CACNA2D4: variants seen among roughly 807,000 people sequenced by gnomAD.
CACNA2D4 encodes calcium voltage-gated channel auxiliary subunit alpha2delta 4, also known as voltage-dependent calcium channel subunit alpha-2/delta-4.
A neutral mutation model predicts 163.8 loss-of-function variants in CACNA2D4; 157 were observed. The observed-to-expected ratio is 0.96, with a 90% CI of 0.84 to 1.09. The LOEUF (loss-of-function observed/expected upper bound fraction) is 1.09. Ranked by LOEUF, CACNA2D4 falls within the 50% of genes least tolerant of loss-of-function variation. The pLI, the probability that CACNA2D4 is intolerant of heterozygous loss-of-function variation, is 0.00. For missense variants in CACNA2D4, 1,410 were observed against 1,479.9 expected, an observed-to-expected ratio of 0.95 and a Z score of 0.78; for synonymous variants, 598 against 586.9, an observed-to-expected ratio of 1.02 and a Z score of -0.27.
At chr12:1,882,633 C>G (rs935344330) in intron 13 of CACNA2D4, among the ~76,000 whole-genome samples, 1 of 152,124 alleles carries the variant, frequency 6.6e-6, no homozygotes, top group Non-Finnish European at 1.5e-5. Context: ...GCACCTCAGG[C>G]AGGTCTGCTG....
At chr12:1,881,489 C>T (rs540068879) in intron 13 of CACNA2D4, among the ~76,000 whole-genome samples, 6 of 152,386 alleles carry the variant, frequency 3.9e-5, no homozygotes, top group Admixed American at 3.3e-4. Context: ...CACAACACTC[C>T]CAGGTGAGGG....
In CACNA2D4 at chr12:1,918,336, A is replaced by C; in HGVS notation, c.138T>G (p.Phe46Leu). The part of the protein sequence containing the change: ...PLQPMPVAWA[F>L]VQKTSALLWL... The stretch of plus-strand genomic sequence containing the variant: ...ACAGGAGGGCCGAGGTCTTCTGCAC[A>C]AAGGCCCAGGCCACGGGCATTGGCT... Residue 46 changes from phenylalanine (F) to leucine (L), a missense_variant, in exon 1 of 38, where the codon TTT becomes TTG. Phe to Leu is a conservative substitution (Grantham distance 22). Transcript: ENST00000382722. 3 of 1,609,600 alleles carry C rather than the reference A, an allele frequency of 1.9e-6. No homozygotes were observed. The Admixed American group carries it at 5.1e-5, about 27-fold the overall frequency.
chr12:1,918,217 T>G, intron 1 of CACNA2D4, 30 bp downstream of exon 1: 3 of 1,516,786 alleles, frequency 2.0e-6, no homozygotes, highest in Non-Finnish European at 2.7e-6. Context: ...GTGACCGGGT[T>G]TTTGGGGTGG....
chr12:1,795,111 A>C (rs1223548360), intron 37 of CACNA2D4, 188 bp downstream of exon 37: 1 of 602,578 alleles, frequency 1.7e-6, no homozygotes, highest in African/African-American at 1.9e-5. Context: ...ACAAAGACTA[A>C]ATAAAGATCT....
In CACNA2D4 at chr12:1,797,305, T is replaced by C. The variant is rs1240940993; in HGVS notation, c.3113+113A>G. 1.9e-5 allele frequency: 15 copies of C among 784,744 alleles called. No homozygotes were observed. In the Admixed American group the frequency reaches 3.1e-4, roughly 16 times the overall value. The allele number at this position is 784,744 out of a possible 1,614,324, so 48.6% of individuals were successfully genotyped here. On this transcript the variant is annotated intron_variant, in intron 35 of 37. Transcript: ENST00000382722. ...GGGCTCTGCACTTAGACGCATCCCC[T>C]CCTCCCGGCTGTGGAGCCGTTTCCC... is the stretch of plus-strand genomic sequence containing the variant.
At position 1,843,137 on chromosome 12, in the gene CACNA2D4, T is replaced by C. The variant is rs1268056379; in HGVS notation, c.2470+1265A>G. On this transcript the variant is annotated intron_variant, in intron 25 of 37. Transcript: ENST00000382722. The surrounding 1 kb of genome is among the most constrained non-coding windows in gnomAD (Gnocchi z 4.6). ...TGGAAAATTGTTTTGTGAAGCATAG[T>C]AGTTATTTGCACGTGTGTGGAGGGA... Among the ~76,000 whole-genome samples the C allele has an allele frequency of 1.3e-5, 2 of 152,058 alleles. No homozygotes were observed. The highest frequency in any genetic ancestry group is 3.9e-4 in the East Asian group (2 of 5,178).
At position 1,882,792 on chromosome 12, in the gene CACNA2D4, G is replaced by C. The variant is rs79741927; in HGVS notation, c.1485+75C>G. On this transcript the variant is annotated intron_variant, in intron 13 of 37. Coordinates refer to ENST00000382722, the MANE Select transcript of CACNA2D4 (RefSeq NM_172364.5). ...TAGGCCCACCCCTTTCCTGACCCAG[G>C]AAGTAACTTCTTACTCCCTGGGGTC... 54 of 1,534,616 alleles carry C rather than the reference G, an allele frequency of 3.5e-5. No homozygotes were observed. In the East Asian group the frequency reaches 1.1e-3, roughly 32 times the overall value.
At position 1,910,202 on chromosome 12, in the gene CACNA2D4, T is replaced by G. The variant is rs115868383; in HGVS notation, c.427-237A>C. On this transcript the variant is annotated intron_variant, in intron 3 of 37. Transcript: ENST00000382722. ...GAAAGCAGCCCATCGGCAGAGGCCA[T>G]GCACCTGTGATCCCAACAACATGGC... is the stretch of plus-strand genomic sequence containing the variant. 7.0e-3 allele frequency among the ~76,000 whole-genome samples: 1,070 copies of G among 152,374 alleles called. 10 individuals carry two copies. The highest frequency in any genetic ancestry group is 0.024 in the African/African-American group (1,007 of 41,582).
chr12:1,861,836 C>A (rs1433719236), intron 18 of CACNA2D4, among the ~76,000 whole-genome samples: 2 of 152,242 alleles, frequency 1.3e-5, no homozygotes, highest in Non-Finnish European at 2.9e-5. Context: ...CCTGTGATTA[C>A]CAACCTGTCA....
intron 25 of CACNA2D4, among the ~76,000 whole-genome samples, chr12:1,841,541 C>A (rs1043536959): frequency 6.6e-6 from 1 of 152,244 alleles, no homozygotes; most frequent in African/African-American, 2.4e-5. Flanking sequence ...CTGGTTCTGA[C>A]TGGGGCTGGC....
chr12:1,895,818 TG>T (rs1310068218), intron 6 of CACNA2D4, among the ~76,000 whole-genome samples: 1 of 151,912 alleles, frequency 6.6e-6, no homozygotes, highest in Non-Finnish European at 1.5e-5. Context: ...TAAAATTTTT[TG>T]TAGAGATAGG....
intron 26 of CACNA2D4, among the ~76,000 whole-genome samples, chr12:1,838,446 C>T (rs554869728): frequency 6.6e-6 from 1 of 152,332 alleles, no homozygotes; most frequent in African/African-American, 2.4e-5. Context: ...CCTTCAGCTA[C>T]AGGCTCCAGC....
In CACNA2D4 at chr12:1,837,342, G is replaced by A. The variant is rs1010095131; in HGVS notation, c.2551+3397C>T. Reference sequence around the variant, plus strand: ...GAGCCTGTTCAGGGCTTACTCAGGCGACGGCAAACCATGCTCTGGGCCTGC... The same window carrying A: ...GAGCCTGTTCAGGGCTTACTCAGGCAACGGCAAACCATGCTCTGGGCCTGC... On this transcript the variant is annotated intron_variant, in intron 26 of 37. Transcript: ENST00000382722. Among the ~76,000 whole-genome samples the A allele has an allele frequency of 3.9e-5, 6 of 152,182 alleles. No homozygotes were observed. The East Asian group carries it at 7.7e-4, about 20-fold the overall frequency.
At chr12:1,848,512 A>G (rs917368) in intron 23 of CACNA2D4, among the ~76,000 whole-genome samples, 23,100 of 152,108 alleles carry the variant, frequency 0.15, 2,257 homozygotes, top group East Asian at 0.41. Flanking sequence ...GCATTCTTTT[A>G]TTTCTTATTT....
At chr12:1,842,682 C>T (rs1025024564) in intron 25 of CACNA2D4, among the ~76,000 whole-genome samples, 4 of 135,742 alleles carry the variant, frequency 2.9e-5, no homozygotes, top group Admixed American at 1.7e-4. Flanking sequence ...CTGGTGAATG[C>T]GGGCAGGAGG....
rs1249333546 is a variant in CACNA2D4, at chr12:1,801,050, A to G, written c.2861T>C (p.Leu954Pro). The change falls in exon 31 of 38, where the codon CTG becomes CCG. Residue 954 changes from leucine to proline, a missense_variant. By Grantham distance (98) the Leu-to-Pro change is moderately conservative (BLOSUM62 -3). Transcript: ENST00000382722. Reference sequence around the variant, plus strand: ...GGGCTGGGTGACACTCACGCTGACCAGGGGCTGGGCTGCACTGTGGTGGTG... The same window carrying G: ...GGGCTGGGTGACACTCACGCTGACCGGGGGCTGGGCTGCACTGTGGTGGTG... ...SSHHHSAAQP[L>P]VSPISAFLTA... The G allele has an allele frequency of 1.9e-6, 3 of 1,613,068 alleles. No homozygotes were observed.
At chr12:1,823,681 C>A (rs763965632) in intron 26 of CACNA2D4, among the ~76,000 whole-genome samples, 2 of 152,116 alleles carry the variant, frequency 1.3e-5, no homozygotes, top group Non-Finnish European at 2.9e-5. Flanking sequence ...TCTTGGCCTC[C>A]CAGGACTTCA....
At position 1,882,970 on chromosome 12, in the gene CACNA2D4, T is replaced by G. The variant is rs764011900; in HGVS notation, c.1382A>C (p.Asp461Ala). The change falls in exon 13 of 38, where the codon GAC becomes GCC. Residue 461 changes from aspartate (D) to alanine (A), a missense_variant. Transcript: ENST00000382722. Reference protein sequence around the residue: ...GYYTQISTLADTQENVMEYLH... With the variant: ...GYYTQISTLAATQENVMEYLH... Reference sequence around the variant, plus strand: ...GTATTCCATCACGTTCTCCTGGGTGTCCGCCAGCGTTGAGATCTGCGTGTA... The same window carrying G: ...GTATTCCATCACGTTCTCCTGGGTGGCCGCCAGCGTTGAGATCTGCGTGTA... 1 of 1,613,164 alleles carries G rather than the reference T, an allele frequency of 6.2e-7. No individual in the cohort carries two copies. The highest frequency in any genetic ancestry group is 8.5e-7 in the Non-Finnish European group (1 of 1,179,630).
chr12:1,882,975 C>T lies in CACNA2D4; in HGVS notation c.1377G>A (p.Leu459=). Residue 459 remains leucine, a synonymous_variant, in exon 13 of 38, where the codon CTG becomes CTA. Coordinates refer to ENST00000382722, the MANE Select transcript of CACNA2D4 (RefSeq NM_172364.5). Reference sequence around the variant, plus strand: ...CCATCACGTTCTCCTGGGTGTCCGCCAGCGTTGAGATCTGCGTGTAGTAGC... The same window carrying T: ...CCATCACGTTCTCCTGGGTGTCCGCTAGCGTTGAGATCTGCGTGTAGTAGC... ...NKGYYTQIST[L]ADTQENVMEY... is the part of the protein sequence containing the mutation. 3 of 1,613,150 alleles carry T rather than the reference C, an allele frequency of 1.9e-6. No homozygotes were observed. Among genetic ancestry groups the T allele is most frequent in the Non-Finnish European group, 1.7e-6 (2 of 1,179,592 alleles).
Sources: allele counts gnomAD v4.1 joint callset (sites outside exome capture counted in the v4.1 genomes callset), GRCh38; gene constraint gnomAD v4.1.1; non-coding constraint Gnocchi (gnomAD v3.1); transcripts MANE v1.5; gene names NCBI Gene and HGNC (gene_info 2026-07-23, HGNC 2026-07-21).